The following PLPPR1 variants were observed in gnomAD, a reference collection of about 807,000 sequenced individuals.
PLPPR1 encodes phospholipid phosphatase related 1.
PLPPR1 carries 10 observed loss-of-function variants against 33.1 expected under a neutral mutation model. The ratio of observed to expected loss-of-function variants is 0.30; its 90% confidence interval spans 0.19 to 0.51. PLPPR1 has a LOEUF of 0.51. Among genes scored for constraint, PLPPR1 ranks in the 20% least tolerant of loss-of-function variants. PLPPR1 has a pLI of 0.97. For synonymous variants in PLPPR1, 151 were observed against 151.0 expected (o/e 1.00, Z 0.00); for missense variants, 304 against 408.1 (o/e 0.74, Z 2.20).
chr9:101,249,239 T>C (rs2118862556), intron 2 of PLPPR1, among the ~76,000 whole-genome samples: 1 of 152,224 alleles, frequency 6.6e-6, no homozygotes, highest in South Asian at 2.1e-4. Flanking sequence ...GCCTCTCTTC[T>C]GGAGAAGATG....
intron 1 of PLPPR1, among the ~76,000 whole-genome samples, chr9:101,166,659 T>C (rs1825862348): frequency 6.6e-6 from 1 of 152,168 alleles, no homozygotes; most frequent in South Asian, 2.1e-4. Flanking sequence ...TCCAGAAATA[T>C]TATAGTGTTA....
intron 1 of PLPPR1, among the ~76,000 whole-genome samples, chr9:101,180,091 CCTTTATATAT>C (rs1257098943): frequency 2.2e-4 from 21 of 93,886 alleles, no homozygotes; most frequent in African/African-American, 3.5e-4. Flanking sequence ...AATAAACTCT[CCTTTATATAT>C]ATATATATAT....
chr9:101,038,771 C>T, intron 1 of PLPPR1, among the ~76,000 whole-genome samples: 1 of 152,254 alleles, frequency 6.6e-6, no homozygotes, highest in Non-Finnish European at 1.5e-5. Context: ...TGCTGTTAAC[C>T]CACAAATGGC....
At chr9:101,303,921 A>G (rs1203067016) in intron 4 of PLPPR1, among the ~76,000 whole-genome samples, 1 of 152,198 alleles carries the variant, frequency 6.6e-6, no homozygotes, top group African/African-American at 2.4e-5. Flanking sequence ...GTTTCAATAA[A>G]ACTACCCATC....
chr9:101,310,464 C>T (rs1162757978), intron 5 of PLPPR1, among the ~76,000 whole-genome samples: 1 of 152,228 alleles, frequency 6.6e-6, no homozygotes, highest in Non-Finnish European at 1.5e-5. Flanking sequence ...ACTGTCCATT[C>T]TTCCCAAACA....
In PLPPR1 at chr9:101,077,467, G is replaced by A. The variant is rs144804701; in HGVS notation, c.-46+48365G>A. 9.9e-5 allele frequency among the ~76,000 whole-genome samples: 15 copies of A among 152,092 alleles called. 1 individual carries two copies. Among genetic ancestry groups the A allele is most frequent in the African/African-American group, 3.6e-4 (15 of 41,442 alleles). On this transcript the variant is annotated intron_variant, in intron 1 of 7. Transcript: ENST00000374874. ...GCAGCCACATTAGTGGGTATGTTAT[G>A]CATTCAAATAGTTATGCATTCAAAT...
chr9:101,125,718 C>T, intron 1 of PLPPR1: 1 of 689,480 alleles, frequency 1.5e-6, no homozygotes, highest in Non-Finnish European at 2.4e-6. Flanking sequence ...AGAACATAAC[C>T]AATATTTTCA....
intron 1 of PLPPR1, among the ~76,000 whole-genome samples, chr9:101,143,343 T>A (rs1426405381): frequency 6.6e-6 from 1 of 152,166 alleles, no homozygotes; most frequent in Non-Finnish European, 1.5e-5. Flanking sequence ...GGGGTGGTGC[T>A]ATGGGCTGCA....
chr9:101,149,817 A>G (rs575612799), intron 1 of PLPPR1, among the ~76,000 whole-genome samples: 1 of 151,898 alleles, frequency 6.6e-6, no homozygotes, highest in African/African-American at 2.4e-5. Context: ...TGTCTTTTTT[A>G]TCTTCAGTTT....
rs73656423 is a variant in PLPPR1 at position 101,029,561 on chromosome 9, T to C, written c.-46+459T>C. Reference sequence around the variant, plus strand: ...TCACCCCAAGCTGTAAGGGTTGCCATTGATTTTCCCTCAGGCATGGGCACC... The same window carrying C: ...TCACCCCAAGCTGTAAGGGTTGCCACTGATTTTCCCTCAGGCATGGGCACC... On this transcript the variant is annotated intron_variant, in intron 1 of 7. Coordinates refer to ENST00000374874, the MANE Select transcript of PLPPR1 (RefSeq NM_207299.2). 5.5e-3 allele frequency among the ~76,000 whole-genome samples: 839 copies of C among 152,238 alleles called. 8 individuals carry two copies. The highest frequency in any genetic ancestry group is 0.019 in the African/African-American group (800 of 41,566).
intron 1 of PLPPR1, among the ~76,000 whole-genome samples, chr9:101,041,527 C>A (rs1230229306): frequency 6.6e-6 from 1 of 152,150 alleles, no homozygotes; most frequent in Non-Finnish European, 1.5e-5. Context: ...TATGGGAAAT[C>A]TAGCTATCTT....
chr9:101,094,661 G>C (rs996163551), intron 1 of PLPPR1, among the ~76,000 whole-genome samples: 1 of 152,080 alleles, frequency 6.6e-6, no homozygotes, highest in Admixed American at 6.6e-5. Context: ...TTATATGGTC[G>C]TTAGTCTATG....
chr9:101,046,054 A>C (rs1830139520), intron 1 of PLPPR1, among the ~76,000 whole-genome samples: 1 of 152,180 alleles, frequency 6.6e-6, no homozygotes, highest in South Asian at 2.1e-4. Context: ...ACACTGGTTT[A>C]CTCCACAAAA....
At chr9:101,274,779 T>C (rs1828158466) in intron 3 of PLPPR1, among the ~76,000 whole-genome samples, 1 of 152,094 alleles carries the variant, frequency 6.6e-6, no homozygotes, top group Admixed American at 6.6e-5. Context: ...TTTTCCCAGG[T>C]TTAATAAGAC....
intron 1 of PLPPR1, chr9:101,125,903 AT>A: frequency 2.5e-6 from 1 of 401,140 alleles, no homozygotes; most frequent in African/African-American, 2.1e-5. Flanking sequence ...CAATGAACAC[AT>A]TCAGCCCATA....
chr9:101,116,765 C>T (rs1831122598), intron 1 of PLPPR1, among the ~76,000 whole-genome samples: 1 of 149,256 alleles, frequency 6.7e-6, no homozygotes, highest in Non-Finnish European at 1.5e-5. Context: ...GCCAAGATTG[C>T]ACCACTGCAC....
At chr9:101,252,391 T>A (rs1023605838) in intron 2 of PLPPR1, among the ~76,000 whole-genome samples, 2 of 152,140 alleles carry the variant, frequency 1.3e-5, no homozygotes, top group Non-Finnish European at 1.5e-5. Flanking sequence ...GGGAAGCAGG[T>A]GCAGGTCTGA....
At chr9:101,262,281 C>T (rs1588100845) in intron 2 of PLPPR1, among the ~76,000 whole-genome samples, 4 of 152,282 alleles carry the variant, frequency 2.6e-5, no homozygotes, top group Admixed American at 2.6e-4. Flanking sequence ...AAAATTTAGA[C>T]CACACACCTA....
chr9:101,233,492 C>G (rs1827231411), intron 2 of PLPPR1, among the ~76,000 whole-genome samples: 1 of 151,850 alleles, frequency 6.6e-6, no homozygotes, highest in Admixed American at 6.6e-5. Context: ...TAATGTTTGT[C>G]CCCTTCAAAA....
Sources: allele counts gnomAD v4.1 joint callset (sites outside exome capture counted in the v4.1 genomes callset), GRCh38; gene constraint gnomAD v4.1.1; transcripts MANE v1.5; gene names NCBI Gene and HGNC (gene_info 2026-07-23, HGNC 2026-07-21).